THSD4: variants seen among roughly 807,000 people sequenced by gnomAD.
The protein encoded by THSD4 is thrombospondin type-1 domain-containing protein 4.
Under a neutral mutation model 119.0 loss-of-function variants are expected in THSD4, and 69 were observed. The ratio of observed to expected loss-of-function variants is 0.58; its 90% CI spans 0.48 to 0.71. THSD4 has a LOEUF of 0.71. Among genes scored for constraint, THSD4 ranks in the 30% least tolerant of loss-of-function variants. The pLI is 0.00. For synonymous variants in THSD4, 524 were observed against 540.4 expected, an observed-to-expected ratio of 0.97 and a Z score of 0.42; for missense variants, 1,393 against 1,391.1, an observed-to-expected ratio of 1.00 and a Z score of -0.02.
At chr15:71,169,364 C>A (rs1378151003) in intron 3 of THSD4, among the ~76,000 whole-genome samples, 1 of 152,196 alleles carries the variant, frequency 6.6e-6, no homozygotes, top group Non-Finnish European at 1.5e-5. Flanking sequence ...GAAAAACTGT[C>A]AGTGTATCTT....
At chr15:71,113,155 C>A (rs1479246566), upstream of THSD4, among the ~76,000 whole-genome samples, 2 of 152,158 alleles carry the variant, frequency 1.3e-5, no homozygotes, top group Non-Finnish European at 2.9e-5. Flanking sequence ...TGCCACTGCA[C>A]CCCAGCCTGG....
intron 8 of THSD4, among the ~76,000 whole-genome samples, chr15:71,689,509 A>G (rs2051998849): frequency 6.6e-6 from 1 of 152,168 alleles, no homozygotes; most frequent in Non-Finnish European, 1.5e-5. Context: ...TATACAGAAT[A>G]AGCCTTCCCC....
At chr15:71,348,837 C>A (rs1385265123) in intron 6 of THSD4, among the ~76,000 whole-genome samples, 20 of 152,210 alleles carry the variant, frequency 1.3e-4, no homozygotes. Context: ...TTTGAGACAG[C>A]AGCATCTTTG....
intron 6 of THSD4, among the ~76,000 whole-genome samples, chr15:71,395,958 C>G (rs1566968389): frequency 1.4e-5 from 2 of 145,682 alleles, no homozygotes; most frequent in African/African-American, 5.0e-5. Context: ...CACACAAACA[C>G]AGACTTTGTT....
intron 14 of THSD4, among the ~76,000 whole-genome samples, chr15:71,755,149 A>G (rs548958179): frequency 1.3e-3 from 204 of 152,324 alleles, no homozygotes; most frequent in African/African-American, 4.6e-3. Flanking sequence ...TGCATCTGCT[A>G]TTTCTCAATA....
intron 6 of THSD4, among the ~76,000 whole-genome samples, chr15:71,295,028 A>T (rs2044844104): frequency 6.6e-6 from 1 of 151,364 alleles, no homozygotes; most frequent in Non-Finnish European, 1.5e-5. Flanking sequence ...GGGGTGGGTG[A>T]GTGGCGCTTG....
chr15:71,660,789 C>T lies in THSD4; in HGVS notation c.1357+55C>T, dbSNP rs1255070476. On this transcript the variant is annotated intron_variant, in intron 8 of 17. Transcript: ENST00000261862. Reference sequence around the variant, plus strand: ...GTCTGTCCCTGCCAGATGATGTATTCCTTCAGAACTGTGAGATAGACACAG... The same window carrying T: ...GTCTGTCCCTGCCAGATGATGTATTTCTTCAGAACTGTGAGATAGACACAG... The T allele has an allele frequency of 6.3e-6, 10 of 1,592,810 alleles. No individual in the cohort carries two copies. In the South Asian group the frequency reaches 6.7e-5, roughly 11 times the overall value.
chr15:71,446,691 G>A (rs2047186142), intron 7 of THSD4, among the ~76,000 whole-genome samples: 1 of 152,128 alleles, frequency 6.6e-6, no homozygotes, highest in Admixed American at 6.5e-5. Flanking sequence ...CAGCAATTCG[G>A]TAGTGTCATC....
chr15:71,174,476 A>G (rs1476156414), intron 3 of THSD4, among the ~76,000 whole-genome samples: 13 of 136,114 alleles, frequency 9.6e-5, no homozygotes, highest in African/African-American at 1.9e-4. Flanking sequence ...CACCTGGCTC[A>G]GAGGGTCCTA....
intron 7 of THSD4, among the ~76,000 whole-genome samples, chr15:71,595,273 A>G (rs1393841116): frequency 1.3e-5 from 2 of 152,168 alleles, no homozygotes; most frequent in Non-Finnish European, 2.9e-5. Context: ...GTCCCCATCC[A>G]AATCTCAACT....
At chr15:71,281,664 A>C (rs2044654942) in intron 6 of THSD4, among the ~76,000 whole-genome samples, 1 of 152,212 alleles carries the variant, frequency 6.6e-6, no homozygotes, top group South Asian at 2.1e-4. Context: ...AGTGCGTATG[A>C]CTGTTTCTGG....
At chr15:71,210,482 T>G (rs2140246211) in intron 3 of THSD4, among the ~76,000 whole-genome samples, 1 of 152,266 alleles carries the variant, frequency 6.6e-6, no homozygotes. Flanking sequence ...GGGTGGGTGA[T>G]GAGGACACAC....
At chr15:71,294,736 TTAGA>T (rs1184639197) in intron 6 of THSD4, among the ~76,000 whole-genome samples, 2 of 152,126 alleles carry the variant, frequency 1.3e-5, no homozygotes, top group Non-Finnish European at 1.5e-5. Flanking sequence ...AACATTCCTC[TTAGA>T]TAGAAGACAG....
At chr15:71,188,667 A>G (rs1370390509) in intron 3 of THSD4, 3 of 152,446 alleles carry the variant, frequency 2.0e-5, no homozygotes, top group African/African-American at 7.2e-5. Context: ...ATTTTCACCC[A>G]TGACAGGGTG....
intron 6 of THSD4, among the ~76,000 whole-genome samples, chr15:71,304,531 T>C (rs554147240): frequency 6.6e-6 from 1 of 152,280 alleles, no homozygotes; most frequent in African/African-American, 2.4e-5. Flanking sequence ...TTATTAAAAT[T>C]TTAGCCCAAA....
chr15:71,298,853 T>G (rs2044904180), intron 6 of THSD4, among the ~76,000 whole-genome samples: 1 of 152,224 alleles, frequency 6.6e-6, no homozygotes, highest in Non-Finnish European at 1.5e-5. Flanking sequence ...GCTTGGGCAA[T>G]CCACCGGCCT....
At chr15:71,240,410 T>G (rs912867889) in intron 4 of THSD4, among the ~76,000 whole-genome samples, 1 of 152,202 alleles carries the variant, frequency 6.6e-6, no homozygotes, top group African/African-American at 2.4e-5. Context: ...AATTTCTATT[T>G]TATTCTATGA....
intron 6 of THSD4, among the ~76,000 whole-genome samples, chr15:71,399,547 C>A (rs967400522): frequency 1.3e-5 from 2 of 152,216 alleles, no homozygotes; most frequent in Non-Finnish European, 2.9e-5. Flanking sequence ...ACTAACCTTT[C>A]ATTTAAGTAG....
At chr15:71,371,648 A>C (rs189854775) in intron 6 of THSD4, among the ~76,000 whole-genome samples, 3 of 152,154 alleles carry the variant, frequency 2.0e-5, no homozygotes, top group South Asian at 2.1e-4. Context: ...CAAGAGATCC[A>C]CTGTTAGTCT....
Sources: allele counts gnomAD v4.1 joint callset (sites outside exome capture counted in the v4.1 genomes callset), GRCh38; gene constraint gnomAD v4.1.1; transcripts MANE v1.5; gene names NCBI Gene and HGNC (gene_info 2026-07-23, HGNC 2026-07-21).